Variants in BTBD9 observed in about 807,000 individuals in gnomAD.
BTBD9 encodes the protein BTB/POZ domain-containing protein 9.
BTBD9 carries 49 observed loss-of-function variants against 64.3 expected under a neutral mutation model. The observed-to-expected ratio is 0.76, with a 90% CI of 0.61 to 0.97. BTBD9 has a LOEUF of 0.97. BTBD9 is among the 50% of genes least tolerant of loss of function. BTBD9 has a pLI of 0.00. For synonymous variants in BTBD9, 260 were observed against 274.7 expected (o/e 0.95, Z 0.53); for missense variants, 598 against 762.1 (o/e 0.78, Z 2.53).
chr6:38,422,939 C>T (rs1252073734), intron 6 of BTBD9, among the ~76,000 whole-genome samples: 1 of 151,980 alleles, frequency 6.6e-6, no homozygotes, highest in Non-Finnish European at 1.5e-5. Flanking sequence ...AAGTCAGATA[C>T]ATAGTGAGAC....
chr6:38,374,293 A>ACG (rs1765562679), intron 6 of BTBD9, among the ~76,000 whole-genome samples: 1 of 75,014 alleles, frequency 1.3e-5, no homozygotes, highest in Non-Finnish European at 2.2e-5. Context: ...GTATATATAT[A>ACG]TATGTATATA....
At chr6:38,511,712 T>C (rs1257324992) in intron 6 of BTBD9, among the ~76,000 whole-genome samples, 2 of 152,088 alleles carry the variant, frequency 1.3e-5, no homozygotes, top group African/African-American at 4.8e-5. Flanking sequence ...TTAGGCGCAA[T>C]TCAAAGAATG....
At chr6:38,235,780 C>T (rs1047587851) in intron 9 of BTBD9, among the ~76,000 whole-genome samples, 1 of 152,216 alleles carries the variant, frequency 6.6e-6, no homozygotes, top group Non-Finnish European at 1.5e-5. Context: ...TGTGAGTATT[C>T]AGCTGACCCT....
At chr6:38,589,850 T>C (rs963826425) in intron 4 of BTBD9, among the ~76,000 whole-genome samples, 4 of 152,156 alleles carry the variant, frequency 2.6e-5, no homozygotes, top group African/African-American at 7.2e-5. Flanking sequence ...TCTCCTCCGG[T>C]TGTCCTCTGT....
intron 9 of BTBD9, among the ~76,000 whole-genome samples, chr6:38,253,520 G>A (rs1764471089): frequency 1.3e-5 from 2 of 152,166 alleles, no homozygotes; most frequent in South Asian, 2.1e-4. Context: ...TCAGATTTGG[G>A]TGGGGACACA....
intron 6 of BTBD9, among the ~76,000 whole-genome samples, chr6:38,520,973 T>C (rs772324613): frequency 6.6e-6 from 1 of 151,916 alleles, no homozygotes; most frequent in East Asian, 1.9e-4. Flanking sequence ...AGAAAAAAGA[T>C]ATGGGTTGCT....
intron 6 of BTBD9, among the ~76,000 whole-genome samples, chr6:38,472,888 A>G (rs1770714945): frequency 6.6e-6 from 1 of 152,228 alleles, no homozygotes; most frequent in South Asian, 2.1e-4. Flanking sequence ...ATTTAAATGT[A>G]TCTTTGCTCT....
At chr6:38,199,319 CTG>C (rs1032762679) in intron 9 of BTBD9, among the ~76,000 whole-genome samples, 12 of 152,272 alleles carry the variant, frequency 7.9e-5, no homozygotes, top group Middle Eastern at 3.4e-3. Flanking sequence ...AGGCAGGAGA[CTG>C]GAGAGTCCCT....
At chr6:38,301,302 G>A (rs1414125220) in intron 7 of BTBD9, among the ~76,000 whole-genome samples, 1 of 152,202 alleles carries the variant, frequency 6.6e-6, no homozygotes, top group Non-Finnish European at 1.5e-5. Context: ...GTTCATCAAG[G>A]ATATTGGTCT....
chr6:38,222,306 G>A (rs1266112898), intron 9 of BTBD9, among the ~76,000 whole-genome samples: 2 of 127,566 alleles, frequency 1.6e-5, no homozygotes, highest in African/African-American at 2.9e-5. Context: ...TGTCACCCAG[G>A]CTGGAATGCA....
intron 7 of BTBD9, among the ~76,000 whole-genome samples, chr6:38,308,672 C>G (rs1562004543): frequency 6.6e-6 from 1 of 152,082 alleles, no homozygotes; most frequent in Non-Finnish European, 1.5e-5. Context: ...GGCATGATCA[C>G]GGCTCACTGC....
At chr6:38,378,138 C>G (rs962721167) in intron 6 of BTBD9, among the ~76,000 whole-genome samples, 1 of 152,170 alleles carries the variant, frequency 6.6e-6, no homozygotes, top group African/African-American at 2.4e-5. Flanking sequence ...TTATCTGCCT[C>G]CTGCATCTAT....
At chr6:38,569,020 T>C (rs1327960454) in intron 6 of BTBD9, among the ~76,000 whole-genome samples, 1 of 152,206 alleles carries the variant, frequency 6.6e-6, no homozygotes, top group African/African-American at 2.4e-5. Flanking sequence ...GGTGGGTAGA[T>C]GGTAAACAGA....
chr6:38,365,337 C>T (rs1461523614), intron 6 of BTBD9, among the ~76,000 whole-genome samples: 1 of 152,072 alleles, frequency 6.6e-6, no homozygotes, highest in Non-Finnish European at 1.5e-5. Flanking sequence ...CCTGGCTGAA[C>T]AGCAAGGCTG....
chr6:38,486,345 G>A (rs1383299690), intron 6 of BTBD9, among the ~76,000 whole-genome samples: 1 of 152,178 alleles, frequency 6.6e-6, no homozygotes, highest in Non-Finnish European at 1.5e-5. Flanking sequence ...TTCACAACTT[G>A]GCAAACTGTC....
intron 10 of BTBD9, among the ~76,000 whole-genome samples, chr6:38,175,963 G>C (rs1166869994): frequency 6.6e-6 from 1 of 152,246 alleles, no homozygotes; most frequent in Non-Finnish European, 1.5e-5. Context: ...GAGCTAAGAA[G>C]AGTTTGCATA....
At chr6:38,624,822 A>G (rs72855194) in intron 1 of BTBD9, among the ~76,000 whole-genome samples, 7,420 of 152,274 alleles carry the variant, frequency 0.049, 308 homozygotes, top group East Asian at 0.23. Context: ...TCCATGTCTA[A>G]TAAGAACTGG....
At chr6:38,631,097 T>C (rs1367711993) in intron 1 of BTBD9, among the ~76,000 whole-genome samples, 1 of 152,190 alleles carries the variant, frequency 6.6e-6, no homozygotes, top group Admixed American at 6.5e-5. Flanking sequence ...TAGAATAGAA[T>C]AGGATAAAAA....
chr6:38,419,359 T>C (rs977225813), intron 6 of BTBD9, among the ~76,000 whole-genome samples: 1 of 152,188 alleles, frequency 6.6e-6, no homozygotes, highest in South Asian at 2.1e-4. Flanking sequence ...TTACATACTT[T>C]AAACAAGTGA....
Sources: gnomAD v4.1 joint callset for allele counts (sites outside exome capture counted in the v4.1 genomes callset) on GRCh38, gnomAD v4.1.1 for gene constraint, MANE v1.5 for transcripts, NCBI Gene and HGNC (gene_info 2026-07-23, HGNC 2026-07-21) for gene names.